Variants in SGCZ observed in about 807,000 individuals in gnomAD.
SGCZ encodes zeta-sarcoglycan.
Under a neutral mutation model 41.3 loss-of-function variants are expected in SGCZ, and 40 were observed. The observed-to-expected ratio is 0.97, with a 90% CI of 0.75 to 1.26. The LOEUF is 1.26. Ranked by LOEUF, SGCZ falls within the 50% of genes most tolerant of loss-of-function variation. SGCZ has a pLI of 0.00. For synonymous variants in SGCZ, 206 were observed against 137.5 expected (o/e 1.50, Z -3.49); for missense variants, 552 against 369.8 (o/e 1.49, Z -4.04).
intron 1 of SGCZ, among the ~76,000 whole-genome samples, chr8:14,578,351 C>G (rs1312263790): frequency 6.6e-6 from 1 of 152,198 alleles, no homozygotes; most frequent in Non-Finnish European, 1.5e-5. Context: ...CACCAGTTAT[C>G]AGCAGACCAG....
intron 4 of SGCZ, among the ~76,000 whole-genome samples, chr8:14,221,191 A>G (rs1393806928): frequency 1.3e-5 from 2 of 152,244 alleles, no homozygotes; most frequent in South Asian, 2.1e-4. Flanking sequence ...GTGTAAGCAT[A>G]TGTGTATGTG....
chr8:14,708,735 A>G (rs936533540), intron 1 of SGCZ, among the ~76,000 whole-genome samples: 2 of 152,034 alleles, frequency 1.3e-5, no homozygotes, highest in Non-Finnish European at 2.9e-5. Flanking sequence ...ATAGAAGAAT[A>G]TATGCGTTTT....
intron 2 of SGCZ, among the ~76,000 whole-genome samples, chr8:14,414,886 AC>A (rs1201162175): frequency 6.6e-6 from 1 of 151,956 alleles, no homozygotes; most frequent in Non-Finnish European, 1.5e-5. Flanking sequence ...GTGAGTGGTA[AC>A]CTACTTTGAA....
intron 4 of SGCZ, among the ~76,000 whole-genome samples, chr8:14,212,556 C>T (rs1468945914): frequency 6.7e-6 from 1 of 149,676 alleles, no homozygotes; most frequent in Non-Finnish European, 1.5e-5. Context: ...CCATAGCCTA[C>T]ACATTAAACC....
intron 5 of SGCZ, among the ~76,000 whole-genome samples, chr8:14,128,535 C>G (rs1416601633): frequency 6.6e-6 from 1 of 152,142 alleles, no homozygotes; most frequent in Non-Finnish European, 1.5e-5. Context: ...TTCAGTCCAG[C>G]AATTCCAGTA....
At chr8:14,327,571 T>C (rs556593775) in intron 2 of SGCZ, among the ~76,000 whole-genome samples, 1 of 152,292 alleles carries the variant, frequency 6.6e-6, no homozygotes, top group Admixed American at 6.5e-5. Flanking sequence ...TAAAAAATGT[T>C]CTGATGAGAT....
intron 1 of SGCZ, among the ~76,000 whole-genome samples, chr8:14,769,816 C>CAAAAAAAAAAAAA (rs1800174947): frequency 1.1e-5 from 1 of 91,218 alleles, no homozygotes; most frequent in African/African-American, 8.5e-5. Flanking sequence ...AAAAAAAAAA[C>CAAAAAAAAAAAAA]CCAGCAACAA....
chr8:14,156,262 A>G (rs1803873146), intron 5 of SGCZ, among the ~76,000 whole-genome samples: 2 of 152,132 alleles, frequency 1.3e-5, no homozygotes, highest in African/African-American at 2.4e-5. Flanking sequence ...GATGGAGACC[A>G]TCCTGGCTAA....
intron 1 of SGCZ, among the ~76,000 whole-genome samples, chr8:15,059,763 G>T (rs531659565): frequency 1.3e-5 from 2 of 152,188 alleles, no homozygotes; most frequent in South Asian, 2.1e-4. Flanking sequence ...CAGTTAGCAC[G>T]TTTTGAATAG....
chr8:15,017,000 C>T (rs1803064907), intron 1 of SGCZ, among the ~76,000 whole-genome samples: 1 of 152,168 alleles, frequency 6.6e-6, no homozygotes, highest in Non-Finnish European at 1.5e-5. Flanking sequence ...GATCCACCCC[C>T]ATGACCCAAA....
intron 1 of SGCZ, among the ~76,000 whole-genome samples, chr8:14,855,117 A>G (rs1339452595): frequency 6.6e-6 from 1 of 151,850 alleles, no homozygotes; most frequent in African/African-American, 2.4e-5. Context: ...CAGTGGCACA[A>G]TCTTGGCTCA....
intron 1 of SGCZ, among the ~76,000 whole-genome samples, chr8:14,622,615 T>G (rs962216306): frequency 6.6e-6 from 1 of 152,170 alleles, no homozygotes; most frequent in African/African-American, 2.4e-5. Flanking sequence ...ATTCAAGATG[T>G]TTTAGAAGCC....
At chr8:14,325,622 T>C (rs891939253) in intron 2 of SGCZ, among the ~76,000 whole-genome samples, 1 of 146,982 alleles carries the variant, frequency 6.8e-6, no homozygotes, top group Non-Finnish European at 1.5e-5. Flanking sequence ...AATATATAGT[T>C]GATCATGTAT....
intron 2 of SGCZ, among the ~76,000 whole-genome samples, chr8:14,524,357 G>C (rs566556732): frequency 5.9e-5 from 9 of 152,028 alleles, no homozygotes; most frequent in Admixed American, 1.3e-4. Context: ...GATTCGGGTG[G>C]GGGAATCTAC....
At chr8:14,949,014 A>T (rs947177190) in intron 1 of SGCZ, among the ~76,000 whole-genome samples, 2 of 151,960 alleles carry the variant, frequency 1.3e-5, no homozygotes, top group African/African-American at 4.8e-5. Flanking sequence ...ATCCACAAAG[A>T]TTCCCCTCAC....
intron 2 of SGCZ, among the ~76,000 whole-genome samples, chr8:14,399,759 T>G (rs1445867602): frequency 6.6e-6 from 1 of 152,174 alleles, no homozygotes; most frequent in Non-Finnish European, 1.5e-5. Context: ...GTATTTTACA[T>G]TTTCTAAAAT....
chr8:14,229,377 C>T (rs1355309744), intron 4 of SGCZ, among the ~76,000 whole-genome samples: 3 of 151,998 alleles, frequency 2.0e-5, no homozygotes, highest in Non-Finnish European at 2.9e-5. Context: ...ACTGAGAGCT[C>T]TAATTTCTAA....
intron 1 of SGCZ, among the ~76,000 whole-genome samples, chr8:15,079,129 A>G (rs966191967): frequency 7.2e-5 from 11 of 152,082 alleles, no homozygotes; most frequent in Admixed American, 5.9e-4. Flanking sequence ...GTCAGGCTTT[A>G]TGACTTTTAC....
chr8:14,624,803 T>G (rs1806400350), intron 1 of SGCZ, among the ~76,000 whole-genome samples: 1 of 151,636 alleles, frequency 6.6e-6, no homozygotes, highest in Non-Finnish European at 1.5e-5. Context: ...ACTCCTGACC[T>G]CAGGAGATCC....
Sources: allele counts gnomAD v4.1 joint callset (sites outside exome capture counted in the v4.1 genomes callset), GRCh38; gene constraint gnomAD v4.1.1; transcripts MANE v1.5; gene names NCBI Gene and HGNC (gene_info 2026-07-23, HGNC 2026-07-21).